The following PTPRQ variants were observed in gnomAD, a reference collection of about 807,000 sequenced individuals.
PTPRQ encodes the protein phosphatidylinositol phosphatase PTPRQ.
In PTPRQ, 199 loss-of-function variants were observed where a neutral mutation model predicts 246.0. The observed-to-expected ratio is 0.81, with a 90% CI of 0.72 to 0.91. The LOEUF (loss-of-function observed/expected upper bound fraction) is 0.91. Ranked by LOEUF, PTPRQ falls within the 40% of genes least tolerant of loss-of-function variation. The probability of loss-of-function intolerance (pLI) is 0.00; values close to 1 mark genes in which losing one functional copy is unlikely to be tolerated. For missense variants in PTPRQ, 2,624 were observed against 2,528.4 expected, an observed-to-expected ratio of 1.04 and a Z score of -0.81; for synonymous variants, 869 against 853.2, an observed-to-expected ratio of 1.02 and a Z score of -0.32.
intron 8 of PTPRQ, among the ~76,000 whole-genome samples, chr12:80,473,256 G>T (rs1289751265): frequency 1.3e-5 from 2 of 152,180 alleles, no homozygotes; most frequent in Non-Finnish European, 2.9e-5. Flanking sequence ...ATACATATAA[G>T]AAAGTTGTAC....
intron 6 of PTPRQ, among the ~76,000 whole-genome samples, chr12:80,467,726 A>T (rs1301901929): frequency 6.0e-5 from 9 of 149,072 alleles, no homozygotes; most frequent in Admixed American, 5.4e-4. Flanking sequence ...ATGAAATTGG[A>T]AATCATCATT....
At chr12:80,470,929 G>A (rs961064451) in intron 7 of PTPRQ, among the ~76,000 whole-genome samples, 4 of 152,122 alleles carry the variant, frequency 2.6e-5, no homozygotes, top group African/African-American at 9.7e-5. Flanking sequence ...GATCTTGAGG[G>A]AGTGGCTGAA....
chr12:80,518,970 T>C (rs115840898), intron 17 of PTPRQ, among the ~76,000 whole-genome samples: 2,912 of 152,264 alleles, frequency 0.019, 93 homozygotes, highest in African/African-American at 0.066. Context: ...TCTTTCATGG[T>C]TCCATATAAA....
At position 80,521,646 on chromosome 12, in the gene PTPRQ, C is replaced by T. The variant is rs185682296; in HGVS notation, c.2678+11203C>T. ...TCCTTTCCCCATTGCTTTTTTTTGT[C>T]AGGTTTGTCAAAGATCAGATAGTTG... On this transcript the variant is annotated intron_variant, in intron 17 of 44. Transcript: ENST00000644991. 4.6e-4 allele frequency among the ~76,000 whole-genome samples: 70 copies of T among 151,956 alleles called. No homozygotes were observed. The East Asian group carries it at 0.011, about 24-fold the overall frequency.
chr12:80,493,738 T>C (rs945518345), intron 10 of PTPRQ, among the ~76,000 whole-genome samples: 4 of 152,008 alleles, frequency 2.6e-5, no homozygotes, highest in African/African-American at 4.8e-5. Context: ...CCAAAGCAGG[T>C]GTGATGGGAA....
At chr12:80,617,953 C>T (rs1402698043) in intron 30 of PTPRQ, among the ~76,000 whole-genome samples, 5 of 151,298 alleles carry the variant, frequency 3.3e-5, no homozygotes, top group African/African-American at 1.2e-4. Flanking sequence ...TGAATCCTGC[C>T]TTTCATCTTC....
chr12:80,667,354 G>A (rs1252610685), intron 39 of PTPRQ, among the ~76,000 whole-genome samples: 1 of 151,862 alleles, frequency 6.6e-6, no homozygotes, highest in Non-Finnish European at 1.5e-5. Flanking sequence ...AGTGAAATAA[G>A]CCAGGAACAG....
At chr12:80,618,419 CA>C (rs1211579133) in intron 30 of PTPRQ, among the ~76,000 whole-genome samples, 6 of 145,864 alleles carry the variant, frequency 4.1e-5, no homozygotes, top group Admixed American at 2.1e-4. Flanking sequence ...GCTATAAGAC[CA>C]AATGAAACAA....
chr12:80,642,471 T>C (rs1899900120), intron 35 of PTPRQ, among the ~76,000 whole-genome samples: 1 of 152,186 alleles, frequency 6.6e-6, no homozygotes, highest in African/African-American at 2.4e-5. Flanking sequence ...GGCAAGAATA[T>C]TTCTTCAAAT....
intron 33 of PTPRQ, 78 bp downstream of exon 33, chr12:80,622,212 C>A: frequency 2.8e-6 from 3 of 1,071,392 alleles, no homozygotes; most frequent in Non-Finnish European, 2.5e-6. Flanking sequence ...ATGTATTAAT[C>A]CATGTCTAGA....
At chr12:80,526,699 A>C (rs1194648015) in intron 17 of PTPRQ, among the ~76,000 whole-genome samples, 2 of 152,156 alleles carry the variant, frequency 1.3e-5, no homozygotes, top group Non-Finnish European at 2.9e-5. Context: ...GTAGTAAGGC[A>C]AGTACCATGT....
chr12:80,585,319 T>C (rs1897575472), intron 25 of PTPRQ, among the ~76,000 whole-genome samples: 1 of 152,132 alleles, frequency 6.6e-6, no homozygotes, highest in Non-Finnish European at 1.5e-5. Flanking sequence ...ATACCACACA[T>C]CAGCAAACCC....
rs538829418 is a variant in PTPRQ, at chr12:80,629,553, G to A, written c.5687-2639G>A. On this transcript the variant is annotated intron_variant, in intron 33 of 44. Coordinates refer to ENST00000644991, the MANE Select transcript of PTPRQ (RefSeq NM_001145026.2). Reference sequence around the variant, plus strand: ...GAGGCTAATCTGGCTCCCTAGGAGTGAGCAAGCAAGGTGGGGACTGGAAGG... The same window carrying A: ...GAGGCTAATCTGGCTCCCTAGGAGTAAGCAAGCAAGGTGGGGACTGGAAGG... 1.2e-4 allele frequency among the ~76,000 whole-genome samples: 18 copies of A among 152,162 alleles called. No individual in the cohort carries two copies. In the South Asian group the frequency reaches 3.5e-3, roughly 30 times the overall value.
chr12:80,448,544 T>G (rs1238366929), intron 3 of PTPRQ, among the ~76,000 whole-genome samples: 3 of 148,524 alleles, frequency 2.0e-5, no homozygotes, highest in Non-Finnish European at 4.5e-5. Flanking sequence ...CCCACAACAG[T>G]CCCCAGAGTG....
intron 25 of PTPRQ, among the ~76,000 whole-genome samples, chr12:80,576,761 T>C (rs780868027): frequency 2.2e-4 from 33 of 152,302 alleles, no homozygotes; most frequent in Non-Finnish European, 4.0e-4. Flanking sequence ...GTTCATTTAC[T>C]CTCATGATTT....
intron 38 of PTPRQ, among the ~76,000 whole-genome samples, chr12:80,654,720 C>T (rs868500249): frequency 2.7e-5 from 4 of 149,618 alleles, no homozygotes; most frequent in African/African-American, 9.8e-5. Flanking sequence ...ATTAGCCGGG[C>T]GTGATGGCAG....
chr12:80,669,941 A>G (rs1900914974), intron 41 of PTPRQ, among the ~76,000 whole-genome samples: 1 of 152,058 alleles, frequency 6.6e-6, no homozygotes, highest in Admixed American at 6.6e-5. Flanking sequence ...ATAAATGCCT[A>G]TACACACAGA....
chr12:80,482,556 A>G (rs899567670), intron 8 of PTPRQ, among the ~76,000 whole-genome samples: 1 of 150,716 alleles, frequency 6.6e-6, no homozygotes, highest in Non-Finnish European at 1.5e-5. Context: ...GCTTCTGTAC[A>G]GCAAAAGAAA....
At position 80,542,362 on chromosome 12, in the gene PTPRQ, C is replaced by A; in HGVS notation, c.3719C>A (p.Ser1240Ter). Residue 1240 changes from serine (S) to a stop codon, truncating the protein, a stop_gained and splice_region_variant, in exon 22 of 45, where the codon TCA becomes TAA. Transcript: ENST00000644991. LOFTEE classifies it high-confidence loss of function. ...SSILFFYTDE[S>*]VPLAPPQNLT... Reference sequence around the variant, plus strand: ...ATTCTTTTCTTTTACACAGATGAGTCAGGTAAGCCAGAATCCACATTTCTT... The same window carrying A: ...ATTCTTTTCTTTTACACAGATGAGTAAGGTAAGCCAGAATCCACATTTCTT... The A allele has an allele frequency of 6.6e-7, 1 of 1,525,108 alleles. No individual in the cohort carries two copies. The highest frequency in any genetic ancestry group is 1.3e-5 in the South Asian group (1 of 77,694). 94.5% of individuals were successfully genotyped at this position (1,525,108 alleles called of 1,614,324 possible).
Sources: gnomAD v4.1 joint callset for allele counts (sites outside exome capture counted in the v4.1 genomes callset) on GRCh38, gnomAD v4.1.1 for gene constraint, MANE v1.5 for transcripts, NCBI Gene and HGNC (gene_info 2026-07-23, HGNC 2026-07-21) for gene names.